PCDHA4: variants seen among roughly 807,000 people sequenced by gnomAD.
PCDHA4 encodes protocadherin alpha-4.
In PCDHA4, 49 loss-of-function variants were observed where a neutral mutation model predicts 61.4. The ratio of observed to expected loss-of-function variants is 0.80; its 90% CI spans 0.63 to 1.01. The LOEUF (loss-of-function observed/expected upper bound fraction) is 1.01. Ranked by LOEUF, PCDHA4 falls within the 50% of genes least tolerant of loss-of-function variation. The pLI is 0.00. For synonymous variants in PCDHA4, 590 were observed against 550.3 expected (o/e 1.07, Z -1.01); for missense variants, 1,254 against 1,235.8 (o/e 1.01, Z -0.22).
At chr5:141,006,528 T>A (rs1161709459) in intron 3 of PCDHA4, among the ~76,000 whole-genome samples, 1 of 152,092 alleles carries the variant, frequency 6.6e-6, no homozygotes, top group African/African-American at 2.4e-5. Context: ...ACATCAGTTT[T>A]TAAAGAGAGA....
rs2047281878 is a variant in PCDHA4, at chr5:140,862,273, A to T, written c.2385+52701A>T. On this transcript the variant is annotated intron_variant, in intron 1 of 3. Coordinates refer to ENST00000530339, the MANE Select transcript of PCDHA4 (RefSeq NM_018907.4). ...CCAGAGTTAGCAGTAAGTCACTATC[A>T]TTCCCTGTACAGGAGGACGCTCCAC... The T allele has an allele frequency of 1.2e-5, 3 of 240,916 alleles. No individual in the cohort carries two copies. In the South Asian group the frequency reaches 1.9e-4, roughly 15 times the overall value. 14.9% of individuals were successfully genotyped at this position (240,916 alleles called of 1,614,324 possible).
chr5:140,828,395 T>G (rs2150154889), intron 1 of PCDHA4: 3 of 1,614,172 alleles, frequency 1.9e-6, no homozygotes, highest in South Asian at 2.2e-5. Context: ...GAGCGCGGAG[T>G]GCAGCATCCA....
In PCDHA4 at chr5:140,851,551, T is replaced by C; in HGVS notation, c.2385+41979T>C. Reference sequence around the variant, plus strand: ...GACAATGTAGATAATTCAAGAAATGTTGACTGAAATTTTGTCTACACTTAG... The same window carrying C: ...GACAATGTAGATAATTCAAGAAATGCTGACTGAAATTTTGTCTACACTTAG... On this transcript the variant is annotated intron_variant, in intron 1 of 3. Coordinates refer to ENST00000530339, the MANE Select transcript of PCDHA4 (RefSeq NM_018907.4). The C allele has an allele frequency of 5.5e-6, 5 of 908,010 alleles. No individual in the cohort carries two copies. In the South Asian group the frequency reaches 2.0e-4, roughly 36 times the overall value. The allele number at this position is 908,010 out of a possible 1,614,324, so 56.2% of individuals were successfully genotyped here. A position where few individuals can be genotyped will look rare whatever the true frequency, so the allele number is the denominator to read the frequency against.
chr5:141,006,535 G>A (rs1473022946), intron 3 of PCDHA4, among the ~76,000 whole-genome samples: 1 of 152,118 alleles, frequency 6.6e-6, no homozygotes, highest in Non-Finnish European at 1.5e-5. Context: ...TTTTTAAAGA[G>A]AGACATTAAG....
chr5:140,816,863 A>G (rs1766013268), intron 1 of PCDHA4: 1 of 151,530 alleles, frequency 6.6e-6, no homozygotes, highest in African/African-American at 2.4e-5. Context: ...GGCCCTCTGG[A>G]GCAGCAGTAT....
chr5:140,853,472 T>C lies in PCDHA4; in HGVS notation c.2385+43900T>C, dbSNP rs1420566523. The C allele has an allele frequency of 4.8e-5, 47 of 973,390 alleles. 7 individuals are homozygous for C. The highest frequency in any genetic ancestry group is 5.7e-5 in the Non-Finnish European group (46 of 806,260). 60.3% of individuals were successfully genotyped at this position (973,390 alleles called of 1,614,324 possible). A position where few individuals can be genotyped will look rare whatever the true frequency, so the allele number is the denominator to read the frequency against. ...AGGTCTCCTTATATGCATCTGTAGT[T>C]AACATTCCTCAATTCAAGTTAGAAT... On this transcript the variant is annotated intron_variant, in intron 1 of 3. Coordinates refer to ENST00000530339, the MANE Select transcript of PCDHA4 (RefSeq NM_018907.4).
chr5:140,823,684 G>T (rs1554129546), intron 1 of PCDHA4: 1 of 1,613,918 alleles, frequency 6.2e-7, no homozygotes, highest in Non-Finnish European at 8.5e-7. Flanking sequence ...ACGCTCTCTG[G>T]ATGAGACCGA....
chr5:140,885,051 A>G (rs2060446316), intron 1 of PCDHA4, among the ~76,000 whole-genome samples: 1 of 152,230 alleles, frequency 6.6e-6, no homozygotes, highest in Non-Finnish European at 1.5e-5. Context: ...TAATGTATAC[A>G]TATACCCACA....
At chr5:140,824,292 T>G in intron 1 of PCDHA4, 1 of 942,046 alleles carries the variant, frequency 1.1e-6, no homozygotes, top group South Asian at 1.6e-5. Context: ...TATGAGGCTT[T>G]TCTGCTGGGG....
intron 1 of PCDHA4, among the ~76,000 whole-genome samples, chr5:140,846,568 G>A (rs1403872525): frequency 6.7e-6 from 1 of 148,182 alleles, no homozygotes; most frequent in Non-Finnish European, 1.5e-5. Context: ...TAGAGTCGGG[G>A]TTTCACCATG....
At chr5:140,817,205 GC>G (rs1245183463) in intron 1 of PCDHA4, 1 of 152,298 alleles carries the variant, frequency 6.6e-6, no homozygotes, top group Non-Finnish European at 1.5e-5. Context: ...CTGAATGCAT[GC>G]TTTACTTTCT....
intron 1 of PCDHA4, among the ~76,000 whole-genome samples, chr5:140,943,845 C>T (rs59104695): frequency 0.056 from 8,479 of 152,194 alleles, 700 homozygotes; most frequent in African/African-American, 0.18. Flanking sequence ...TGTAAGATGT[C>T]ACAGAAGTCA....
At chr5:140,899,574 C>T (rs890849786) in intron 1 of PCDHA4, among the ~76,000 whole-genome samples, 2 of 152,112 alleles carry the variant, frequency 1.3e-5, no homozygotes, top group African/African-American at 4.8e-5. Context: ...CTGCTGGATT[C>T]GGTTTGCCAG....
intron 1 of PCDHA4, chr5:140,843,223 T>G (rs1296347203): frequency 6.3e-7 from 1 of 1,595,904 alleles, no homozygotes; most frequent in Non-Finnish European, 8.6e-7. Flanking sequence ...TCAGCACCAC[T>G]CGTGTCCTGG....
intron 1 of PCDHA4, chr5:140,969,131 A>G: frequency 6.2e-7 from 1 of 1,614,138 alleles, no homozygotes; most frequent in South Asian, 1.1e-5. Flanking sequence ...CTCCCTCACC[A>G]AGACCTACTG....
rs1238256859 is a variant in PCDHA4, at chr5:141,010,204, C to T, written c.*267C>T. 6.4e-7 allele frequency: 1 copy of T among 1,551,970 alleles called. No homozygotes were observed. On this transcript the variant is annotated 3_prime_UTR_variant, in exon 4 of 4. Transcript: ENST00000530339. The stretch of plus-strand genomic sequence containing the variant: ...GACCCAAGTTTCCTTTCTCCTCCGC[C>T]GCAAAGGAGAGGCTTCCCAGCCCCG...
intron 1 of PCDHA4, chr5:140,848,752 T>C (rs2040584005): frequency 1.3e-6 from 2 of 1,593,188 alleles, no homozygotes; most frequent in Non-Finnish European, 1.7e-6. Context: ...ATTTTGTTTG[T>C]GAATTCTCGG....
intron 1 of PCDHA4, among the ~76,000 whole-genome samples, chr5:140,965,085 C>T (rs1439379437): frequency 6.6e-6 from 1 of 152,142 alleles, no homozygotes; most frequent in African/African-American, 2.4e-5. Context: ...TGACTTTGTT[C>T]CAGTCCATAG....
At chr5:140,895,964 C>T (rs2065282764) in intron 1 of PCDHA4, among the ~76,000 whole-genome samples, 2 of 152,120 alleles carry the variant, frequency 1.3e-5, no homozygotes, top group South Asian at 4.1e-4. Flanking sequence ...GTGCCTGTCA[C>T]CAGGCCTAGC....
Sources: gnomAD v4.1 joint callset for allele counts (sites outside exome capture counted in the v4.1 genomes callset) on GRCh38, gnomAD v4.1.1 for gene constraint, MANE v1.5 for transcripts, NCBI Gene and HGNC (gene_info 2026-07-23, HGNC 2026-07-21) for gene names.